The following MSRA variants were observed in gnomAD, a reference collection of about 807,000 sequenced individuals.
MSRA encodes mitochondrial peptide methionine sulfoxide reductase.
A neutral mutation model predicts 31.3 loss-of-function variants in MSRA; 54 were observed. The observed-to-expected ratio is 1.73, with a 90% CI of 1.39 to 2.17. The LOEUF (loss-of-function observed/expected upper bound fraction) is 2.17, where lower values mean the gene tolerates loss of function less well. Ranked by LOEUF, MSRA falls within the 30% of genes most tolerant of loss-of-function variation. The probability of loss-of-function intolerance (pLI) is 0.00; values close to 1 mark genes in which losing one functional copy is unlikely to be tolerated. For synonymous variants in MSRA, 169 were observed against 116.5 expected (o/e 1.45, Z -2.90); for missense variants, 507 against 300.9 (o/e 1.69, Z -5.07).
intron 5 of MSRA, among the ~76,000 whole-genome samples, chr8:10,345,831 T>C (rs1803736274): frequency 6.6e-6 from 1 of 152,194 alleles, no homozygotes; most frequent in South Asian, 2.1e-4. Flanking sequence ...CAAATCTACC[T>C]TTTAGGAGCA....
chr8:10,120,961 G>A (rs6986885), intron 1 of MSRA, among the ~76,000 whole-genome samples: 79,538 of 152,056 alleles, frequency 0.52, 21,750 homozygotes, highest in East Asian at 0.95. Flanking sequence ...ATTTAATTAC[G>A]TTTTAAGTGA....
chr8:10,060,168 C>T (rs906348996), intron 1 of MSRA, among the ~76,000 whole-genome samples: 2 of 152,168 alleles, frequency 1.3e-5, no homozygotes, highest in African/African-American at 2.4e-5. Flanking sequence ...CCAGGTTATT[C>T]ACTACAGCTT....
chr8:10,202,349 G>T (rs1392076058), intron 1 of MSRA, among the ~76,000 whole-genome samples: 1 of 152,200 alleles, frequency 6.6e-6, no homozygotes, highest in Non-Finnish European at 1.5e-5. Flanking sequence ...TCCCATTGTG[G>T]AGTGGAAAGT....
chr8:10,160,890 A>T (rs550796899), intron 1 of MSRA, among the ~76,000 whole-genome samples: 82 of 152,380 alleles, frequency 5.4e-4, no homozygotes, highest in Non-Finnish European at 8.4e-4. Flanking sequence ...AAATAAATTT[A>T]TAAATTTACT....
At chr8:10,204,024 T>G (rs1808730669) in intron 1 of MSRA, among the ~76,000 whole-genome samples, 1 of 151,954 alleles carries the variant, frequency 6.6e-6, no homozygotes, top group Non-Finnish European at 1.5e-5. Context: ...AAAATGAAAA[T>G]TTTAAAAATA....
At chr8:10,210,901 T>C (rs1809427278) in intron 2 of MSRA, among the ~76,000 whole-genome samples, 1 of 151,728 alleles carries the variant, frequency 6.6e-6, no homozygotes, top group Non-Finnish European at 1.5e-5. Context: ...GCTCACCTTT[T>C]TTTTTTTTAT....
At chr8:10,090,300 G>A (rs139766299) in intron 1 of MSRA, among the ~76,000 whole-genome samples, 1,642 of 152,292 alleles carry the variant, frequency 0.011, 15 homozygotes, top group Middle Eastern at 0.024. Context: ...AGAAGGGAGC[G>A]ATGTTTGGAT....
At chr8:10,199,108 T>C (rs2129056483) in intron 1 of MSRA, among the ~76,000 whole-genome samples, 1 of 152,314 alleles carries the variant, frequency 6.6e-6, no homozygotes, top group East Asian at 1.9e-4. Flanking sequence ...TGATGCAACC[T>C]CTGTCTTTTG....
chr8:10,304,724 C>T (rs1363518503), intron 4 of MSRA, among the ~76,000 whole-genome samples: 1 of 152,170 alleles, frequency 6.6e-6, no homozygotes, highest in Non-Finnish European at 1.5e-5. Context: ...TCACGTTTCA[C>T]AGTAAAAGTT....
intron 5 of MSRA, among the ~76,000 whole-genome samples, chr8:10,417,419 GACACACAC>G (rs1184991397): frequency 1.4e-5 from 2 of 145,378 alleles, no homozygotes; most frequent in African/African-American, 5.1e-5. Context: ...TTCGTCAGAA[GACACACAC>G]ACACACACAC....
At chr8:10,113,445 T>A (rs1015717753) in intron 1 of MSRA, among the ~76,000 whole-genome samples, 3 of 151,564 alleles carry the variant, frequency 2.0e-5, no homozygotes, top group Admixed American at 6.6e-5. Flanking sequence ...AAACAGCTTT[T>A]ACCTGTAATG....
intron 1 of MSRA, among the ~76,000 whole-genome samples, chr8:10,068,981 G>T (rs1468939015): frequency 6.6e-6 from 1 of 152,064 alleles, no homozygotes; most frequent in Non-Finnish European, 1.5e-5. Context: ...CTTGTTCTTA[G>T]GGATCTTGCA....
chr8:10,330,011 TG>T (rs1802600749), intron 5 of MSRA, among the ~76,000 whole-genome samples: 2 of 63,674 alleles, frequency 3.1e-5, no homozygotes, highest in Non-Finnish European at 6.7e-5. Context: ...AAAAAATGTG[TG>T]TGTGTGTGTG....
intron 5 of MSRA, among the ~76,000 whole-genome samples, chr8:10,358,339 T>G (rs1360721076): frequency 1.3e-5 from 2 of 152,196 alleles, no homozygotes; most frequent in Admixed American, 1.3e-4. Flanking sequence ...ATACCATCAG[T>G]GATGATTACT....
intron 1 of MSRA, among the ~76,000 whole-genome samples, chr8:10,085,803 TC>T (rs1216423872): frequency 6.6e-6 from 1 of 152,244 alleles, no homozygotes; most frequent in Non-Finnish European, 1.5e-5. Flanking sequence ...TCCATAGTTA[TC>T]TTTTTAAAGA....
At position 10,071,416 on chromosome 8, in the gene MSRA, T is replaced by G. The variant is rs150546017; in HGVS notation, c.142+16758T>G. ...CTAGTTTTCTGTTAGATATGTGGTT[T>G]GTAAATATTTTCTTCTAGGCTGTAG... On this transcript the variant is annotated intron_variant, in intron 1 of 5. Coordinates refer to ENST00000317173, the MANE Select transcript of MSRA (RefSeq NM_012331.5). 5.3e-3 allele frequency among the ~76,000 whole-genome samples: 810 copies of G among 152,140 alleles called. 8 individuals are homozygous for G. Among genetic ancestry groups the G allele is most frequent in the African/African-American group, 0.018 (753 of 41,562 alleles).
intron 5 of MSRA, among the ~76,000 whole-genome samples, chr8:10,421,993 G>A (rs10112584): frequency 0.14 from 20,837 of 152,178 alleles, 2,479 homozygotes; most frequent in East Asian, 0.52. Flanking sequence ...GTTAAAACAC[G>A]CCAGGCAGGC....
At chr8:10,211,070 A>G (rs1809448934) in intron 2 of MSRA, among the ~76,000 whole-genome samples, 1 of 152,120 alleles carries the variant, frequency 6.6e-6, no homozygotes, top group Non-Finnish European at 1.5e-5. Context: ...TCATTTGAAT[A>G]TACCTTACCT....
chr8:10,252,853 A>G (rs1797988465), intron 3 of MSRA, among the ~76,000 whole-genome samples: 1 of 152,256 alleles, frequency 6.6e-6, no homozygotes, highest in South Asian at 2.1e-4. Context: ...TCACCATCAC[A>G]TAGGTCCTTC....
Sources: gnomAD v4.1 joint callset for allele counts (sites outside exome capture counted in the v4.1 genomes callset) on GRCh38, gnomAD v4.1.1 for gene constraint, MANE v1.5 for transcripts, NCBI Gene and HGNC (gene_info 2026-07-23, HGNC 2026-07-21) for gene names.